Variants in FHOD3 observed in about 807,000 individuals in gnomAD.
FHOD3 encodes the protein formin homology 2 domain containing 3, also known as FH1/FH2 domain-containing protein 3.
Under a neutral mutation model 173.0 loss-of-function variants are expected in FHOD3, and 90 were observed. That is an observed-to-expected ratio of 0.52 (90% CI 0.44 to 0.62). The LOEUF (loss-of-function observed/expected upper bound fraction) is 0.62. FHOD3 is among the 20% of genes least tolerant of loss of function. The pLI is 0.00. For synonymous variants in FHOD3, 828 were observed against 823.0 expected (o/e 1.01, Z -0.10); for missense variants, 1,945 against 2,034.7 (o/e 0.96, Z 0.85).
intron 1 of FHOD3, among the ~76,000 whole-genome samples, chr18:36,342,006 G>A (rs9955226): frequency 0.054 from 8,214 of 151,986 alleles, 739 homozygotes; most frequent in African/African-American, 0.19. Flanking sequence ...ATTAAGATAA[G>A]GAATTTTAAC....
chr18:36,614,238 T>G (rs970075929), intron 9 of FHOD3, among the ~76,000 whole-genome samples: 4 of 152,212 alleles, frequency 2.6e-5, no homozygotes, highest in African/African-American at 9.7e-5. Flanking sequence ...TTTGGACATT[T>G]CAGACAAATG....
chr18:36,777,182 ACTT>A lies in FHOD3; in HGVS notation c.4787-2256_4787-2254del, dbSNP rs200302533. ...ATGCCCAGCTAGTGCAGCATGAACT[ACTT>A]CTTCTTCTTTTTCTTTTTTTTTTTT... On this transcript the variant is annotated intron_variant, in intron 28 of 28. Transcript: ENST00000590592. 6.9e-3 allele frequency among the ~76,000 whole-genome samples: 1,015 copies of A among 147,344 alleles called. 38 individuals are homozygous for A. Among genetic ancestry groups the A allele is most frequent in the Admixed American group, 0.06 (872 of 14,500 alleles).
chr18:36,396,612 G>A (rs2048565336), intron 3 of FHOD3, among the ~76,000 whole-genome samples: 1 of 151,980 alleles, frequency 6.6e-6, no homozygotes, highest in African/African-American at 2.4e-5. Context: ...TCTGATTTAT[G>A]TTCTTAGCTT....
At chr18:36,527,619 G>A (rs1207681359) in intron 5 of FHOD3, among the ~76,000 whole-genome samples, 1 of 152,182 alleles carries the variant, frequency 6.6e-6, no homozygotes, top group Non-Finnish European at 1.5e-5. Flanking sequence ...AGACCCTGGG[G>A]TGCAATGGCT....
At chr18:36,311,028 G>A (rs1394977819) in intron 1 of FHOD3, among the ~76,000 whole-genome samples, 1 of 152,160 alleles carries the variant, frequency 6.6e-6, no homozygotes, top group East Asian at 1.9e-4. Flanking sequence ...ATAGAAACAT[G>A]ACAGAAAAGG....
rs115115009 is a variant in FHOD3, at chr18:36,521,472, C to A, written c.511+8929C>A. ...GCGTAATCATTCATCACATTCAATT[C>A]AGCCACCCTAGGGTCCTCCTAACCC... On this transcript the variant is annotated intron_variant, in intron 5 of 28. Coordinates refer to ENST00000590592, the MANE Select transcript of FHOD3 (RefSeq NM_001281740.3). Among the ~76,000 whole-genome samples the A allele has an allele frequency of 2.0e-3, 305 of 152,288 alleles. 2 individuals are homozygous for A. The highest frequency in any genetic ancestry group is 6.8e-3 in the African/African-American group (284 of 41,556).
At chr18:36,668,492 T>G (rs751109133) in intron 14 of FHOD3, among the ~76,000 whole-genome samples, 3 of 151,994 alleles carry the variant, frequency 2.0e-5, no homozygotes, top group African/African-American at 7.2e-5. Context: ...TTAATTTTTA[T>G]ACTGTTTTTC....
chr18:36,367,967 A>G (rs1340330625), intron 2 of FHOD3, among the ~76,000 whole-genome samples: 3 of 149,232 alleles, frequency 2.0e-5, no homozygotes, highest in Non-Finnish European at 4.5e-5. Flanking sequence ...CTTTCCCTTT[A>G]CCTTCCACCA....
intron 1 of FHOD3, among the ~76,000 whole-genome samples, chr18:36,337,121 G>A (rs2045357297): frequency 1.4e-5 from 2 of 146,488 alleles, no homozygotes; most frequent in Non-Finnish European, 3.0e-5. Flanking sequence ...GCAGTGAGCT[G>A]AGATTGTGCC....
At chr18:36,777,507 A>C (rs2043762530) in intron 28 of FHOD3, 1 of 152,068 alleles carries the variant, frequency 6.6e-6, no homozygotes. Context: ...TGGACTTTTT[A>C]AGGAAGTATT....
chr18:36,737,872 G>A (rs935527935), intron 20 of FHOD3, among the ~76,000 whole-genome samples: 1 of 152,076 alleles, frequency 6.6e-6, no homozygotes, highest in Non-Finnish European at 1.5e-5. Flanking sequence ...GAGTGCAGTC[G>A]ACTTTTTGGT....
At position 36,769,280 on chromosome 18, in the gene FHOD3, G is replaced by A. The variant is rs1600645207; in HGVS notation, c.4640G>A (p.Trp1547Ter). ...TAATTTTTAGGATCCACTAGTTCCTGGACTATGGGAACTGATGACTCGCCC... is the reference window on the plus strand; with the variant it reads ...TAATTTTTAGGATCCACTAGTTCCTAGACTATGGGAACTGATGACTCGCCC... ...SRASRGSTSS[W>*]TMGTDDSPNV... Residue 1547 changes from tryptophan to a stop codon, truncating the protein, a stop_gained, in exon 28 of 29, where the codon TGG (tryptophan) becomes TAG (stop). Coordinates refer to ENST00000590592, the MANE Select transcript of FHOD3 (RefSeq NM_001281740.3). LOFTEE classifies it high-confidence loss of function. 2 of 1,614,092 alleles carry A rather than the reference G, an allele frequency of 1.2e-6. No individual in the cohort carries two copies. Among genetic ancestry groups the A allele is most frequent in the Non-Finnish European group, 1.7e-6 (2 of 1,180,002 alleles).
intron 5 of FHOD3, among the ~76,000 whole-genome samples, chr18:36,519,927 A>C (rs911642127): frequency 4.2e-5 from 6 of 141,780 alleles, no homozygotes; most frequent in Admixed American, 4.2e-4. Flanking sequence ...GGGTAACTTT[A>C]GTTTATGAAG....
At chr18:36,308,347 T>G (rs1164528549) in intron 1 of FHOD3, among the ~76,000 whole-genome samples, 1 of 152,162 alleles carries the variant, frequency 6.6e-6, no homozygotes, top group East Asian at 1.9e-4. Flanking sequence ...GCTGGAAAGA[T>G]GGTCTCTAAA....
At chr18:36,605,653 A>C (rs1330605178) in intron 8 of FHOD3, among the ~76,000 whole-genome samples, 1 of 152,042 alleles carries the variant, frequency 6.6e-6, no homozygotes, top group East Asian at 1.9e-4. Context: ...CAAAAAAAAA[A>C]ATTTGCAACC....
chr18:36,501,782 T>G, intron 3 of FHOD3, 150 bp from the exon 4 acceptor site: 1 of 525,276 alleles, frequency 1.9e-6, no homozygotes, highest in Non-Finnish European at 3.4e-6. Flanking sequence ...ATTCTTCTTA[T>G]GGTTGGGGGT....
intron 3 of FHOD3, among the ~76,000 whole-genome samples, chr18:36,397,808 CA>C (rs2146604437): frequency 2.0e-5 from 3 of 152,228 alleles, no homozygotes; most frequent in East Asian, 3.9e-4. Context: ...ATGGTTGTTC[CA>C]GGGGGATCAG....
chr18:36,682,387 C>T (rs671447), intron 15 of FHOD3, among the ~76,000 whole-genome samples: 101,686 of 151,892 alleles, frequency 0.67, 34,261 homozygotes, highest in African/African-American at 0.74. Flanking sequence ...TTCTCTTCCT[C>T]CTTAATCCTT....
intron 1 of FHOD3, among the ~76,000 whole-genome samples, chr18:36,326,529 A>T (rs1378827969): frequency 6.6e-6 from 1 of 152,134 alleles, no homozygotes; most frequent in African/African-American, 2.4e-5. Flanking sequence ...GCACTTTGGG[A>T]GGCTGAGGCG....
Sources: allele counts gnomAD v4.1 joint callset (sites outside exome capture counted in the v4.1 genomes callset), GRCh38; gene constraint gnomAD v4.1.1; transcripts MANE v1.5; gene names NCBI Gene and HGNC (gene_info 2026-07-23, HGNC 2026-07-21).